REC114: variants seen among roughly 807,000 people sequenced by gnomAD.
The protein encoded by REC114 is REC114 meiotic recombination protein.
REC114 carries 27 observed loss-of-function variants against 31.3 expected under a neutral mutation model. The ratio of observed to expected loss-of-function variants is 0.86; its 90% CI spans 0.64 to 1.19. The LOEUF (loss-of-function observed/expected upper bound fraction) is 1.19. Ranked by LOEUF, REC114 falls within the 50% of genes most tolerant of loss-of-function variation. The probability of loss-of-function intolerance (pLI) is 0.00; values close to 1 mark genes in which losing one functional copy is unlikely to be tolerated. For synonymous variants in REC114, 134 were observed against 127.7 expected, an observed-to-expected ratio of 1.05 and a Z score of -0.33; for missense variants, 344 against 326.9, an observed-to-expected ratio of 1.05 and a Z score of -0.40.
chr15:73,461,922 CTTTTTTTTTTTTTT>C (rs961387922), intron 1 of REC114, among the ~76,000 whole-genome samples: 1 of 78,212 alleles, frequency 1.3e-5, no homozygotes, highest in Non-Finnish European at 3.0e-5. Flanking sequence ...TTTTTCTTTT[CTTTTTTTTTTTTTT>C]TTTTTTTTTT....
intron 2 of REC114, among the ~76,000 whole-genome samples, chr15:73,539,234 G>GA (rs1051776336): frequency 1.9e-4 from 27 of 145,910 alleles, no homozygotes; most frequent in African/African-American, 6.3e-4. Flanking sequence ...TTTCCATTTG[G>GA]AAAAAAAACC....
chr15:73,513,973 C>T (rs1396981274), intron 2 of REC114, among the ~76,000 whole-genome samples: 3 of 152,066 alleles, frequency 2.0e-5, no homozygotes, highest in Non-Finnish European at 4.4e-5. Context: ...TGGGCTCCAC[C>T]CAGTTCGAGC....
chr15:73,518,041 A>G (rs1893885251), intron 2 of REC114, among the ~76,000 whole-genome samples: 1 of 152,262 alleles, frequency 6.6e-6, no homozygotes, highest in Admixed American at 6.5e-5. Flanking sequence ...CTGATAAAAC[A>G]TTTAGATAAA....
chr15:73,503,380 C>T (rs1254246992), intron 2 of REC114, among the ~76,000 whole-genome samples: 1 of 152,120 alleles, frequency 6.6e-6, no homozygotes, highest in African/African-American at 2.4e-5. Context: ...TGAGGTATAA[C>T]TTATACTTCA....
chr15:73,557,939 T>A (rs923144670), intron 5 of REC114, among the ~76,000 whole-genome samples: 2 of 152,250 alleles, frequency 1.3e-5, no homozygotes, highest in Non-Finnish European at 2.9e-5. Flanking sequence ...TACACAAATA[T>A]ACATATGTTC....
chr15:73,508,165 C>T (rs539030677), intron 2 of REC114, among the ~76,000 whole-genome samples: 11 of 152,116 alleles, frequency 7.2e-5, no homozygotes, highest in African/African-American at 2.7e-4. Context: ...CCAAGTCTGC[C>T]ATCACATCTG....
At chr15:73,500,682 T>G (rs143859066) in intron 2 of REC114, among the ~76,000 whole-genome samples, 83 of 152,264 alleles carry the variant, frequency 5.5e-4, no homozygotes, top group Middle Eastern at 3.4e-3. Context: ...ACAGCTCATT[T>G]TTTAAATGTC....
chr15:73,463,211 A>G (rs918453883), intron 1 of REC114, among the ~76,000 whole-genome samples: 1 of 151,738 alleles, frequency 6.6e-6, no homozygotes, highest in African/African-American at 2.4e-5. Flanking sequence ...TATTTCCTTG[A>G]CCTCACCTCT....
intron 4 of REC114, among the ~76,000 whole-genome samples, chr15:73,551,633 C>G (rs534400528): frequency 2.0e-5 from 3 of 152,256 alleles, no homozygotes; most frequent in African/African-American, 7.2e-5. Context: ...ACCCTGCAGT[C>G]TGCAGTACCA....
chr15:73,464,480 C>T (rs2151255416), intron 1 of REC114, among the ~76,000 whole-genome samples: 1 of 152,122 alleles, frequency 6.6e-6, no homozygotes, highest in Non-Finnish European at 1.5e-5. Flanking sequence ...GGGTATGTAG[C>T]TATTTTCCTT....
At chr15:73,468,044 T>C (rs575846411) in intron 1 of REC114, among the ~76,000 whole-genome samples, 14 of 152,300 alleles carry the variant, frequency 9.2e-5, no homozygotes, top group South Asian at 6.2e-4. Flanking sequence ...CTGATTACAA[T>C]AGGTTCACCT....
chr15:73,443,221 G>T lies in REC114; in HGVS notation c.36G>T (p.Gly12=). The part of the protein sequence containing the change: ...AEAGKVPLSL[G]LTGGEAAEWP... ...CAGGAAAAGTGCCCTTGAGCCTCGG[G>T]CTTACCGGAGGAGAAGCGGCAGAGT... The change falls in exon 1 of 6, where the codon GGG becomes GGT. Residue 12 remains glycine, a synonymous_variant. Coordinates refer to ENST00000331090, the MANE Select transcript of REC114 (RefSeq NM_001042367.2). 5 of 1,576,130 alleles carry T rather than the reference G, an allele frequency of 3.2e-6. No homozygotes were observed. The highest frequency in any genetic ancestry group is 4.3e-6 in the Non-Finnish European group (5 of 1,161,900).
At chr15:73,553,937 C>T (rs1016560698) in intron 4 of REC114, among the ~76,000 whole-genome samples, 8 of 152,118 alleles carry the variant, frequency 5.3e-5, no homozygotes, top group African/African-American at 1.7e-4. Context: ...TGTGATCTCA[C>T]GGAAGCCAAT....
In REC114 at chr15:73,550,968, A is replaced by G; in HGVS notation, c.364A>G (p.Ser122Gly). Residue 122 changes from serine to glycine, a missense_variant, in exon 4 of 6, where the codon AGT (serine) becomes GGT (glycine). Ser to Gly is a moderately conservative substitution (Grantham distance 56). Transcript: ENST00000331090. ...GAGTCGCCTGTTTCGAGTACAGTTC[A>G]GTGGAGAGTCAAAGGAGCAGGCGCT... ...DKSRLFRVQF[S>G]GESKEQALEH... is the part of the protein sequence containing the mutation. 6.2e-7 allele frequency: 1 copy of G among 1,613,900 alleles called. No individual in the cohort carries two copies. Among genetic ancestry groups the G allele is most frequent in the African/African-American group, 1.3e-5 (1 of 75,026 alleles).
chr15:73,458,570 C>T (rs143641304), intron 1 of REC114, among the ~76,000 whole-genome samples: 32 of 152,216 alleles, frequency 2.1e-4, no homozygotes, highest in East Asian at 7.7e-4. Context: ...TATGATTTTC[C>T]GCATAAAAGT....
rs887172599 is a variant in REC114, at chr15:73,551,008, G to A, written c.404G>A (p.Ser135Asn). ...SKEQALEHCCSCVQKLAQYIT... is the reference protein window; with the variant it reads ...SKEQALEHCCNCVQKLAQYIT... ...GAGCAGGCGCTGGAACACTGCTGCA[G>A]TTGTGTTCAGAAGCTGGCACAATAC... Residue 135 changes from serine (S) to asparagine (N), a missense_variant, in exon 4 of 6, where the codon AGT becomes AAT. Coordinates refer to ENST00000331090, the MANE Select transcript of REC114 (RefSeq NM_001042367.2). 6.2e-7 allele frequency: 1 copy of A among 1,613,956 alleles called. No individual in the cohort carries two copies. Among genetic ancestry groups the A allele is most frequent in the Non-Finnish European group, 8.5e-7 (1 of 1,179,870 alleles).
intron 2 of REC114, among the ~76,000 whole-genome samples, chr15:73,488,943 T>A (rs1239997710): frequency 6.6e-6 from 1 of 152,168 alleles, no homozygotes; most frequent in Non-Finnish European, 1.5e-5. Context: ...CCAATTTCTG[T>A]CTTAGTCCAT....
chr15:73,556,315 C>CA lies in REC114; in HGVS notation c.561dup (p.Glu188ArgfsTer38). 1 of 1,613,658 alleles carries CA rather than the reference C, an allele frequency of 6.2e-7. No individual in the cohort carries two copies. Among genetic ancestry groups the CA allele is most frequent in the South Asian group, 1.1e-5 (1 of 91,034 alleles). ...GTTTTATTCCAGTCCCACCAGCACTCAGAACAACAGCAAGTGTGTGTAACA... is the reference window on the plus strand; with the variant it reads ...GTTTTATTCCAGTCCCACCAGCACTCAAGAACAACAGCAAGTGTGTGTAACA... On this transcript the variant is annotated frameshift_variant, in exon 5 of 6. Coordinates refer to ENST00000331090, the MANE Select transcript of REC114 (RefSeq NM_001042367.2). LOFTEE classifies it high-confidence loss of function.
chr15:73,519,819 T>C (rs539352095), intron 2 of REC114, among the ~76,000 whole-genome samples: 1 of 152,344 alleles, frequency 6.6e-6, no homozygotes, highest in South Asian at 2.1e-4. Context: ...TGTCCTGTCA[T>C]GCTACATAGA....
Sources: gnomAD v4.1 joint callset for allele counts (sites outside exome capture counted in the v4.1 genomes callset) on GRCh38, gnomAD v4.1.1 for gene constraint, MANE v1.5 for transcripts, NCBI Gene and HGNC (gene_info 2026-07-23, HGNC 2026-07-21) for gene names.